Variants in TGFBR3 observed in about 807,000 individuals in gnomAD.
TGFBR3 encodes the protein transforming growth factor beta receptor type 3.
A neutral mutation model predicts 87.9 loss-of-function variants in TGFBR3; 46 were observed. That is an observed-to-expected ratio of 0.52 (90% CI 0.41 to 0.67). The LOEUF is 0.67. TGFBR3 is among the 30% of genes least tolerant of loss of function. The pLI, the probability that TGFBR3 is intolerant of heterozygous loss-of-function variation, is 0.00. For synonymous variants in TGFBR3, 381 were observed against 391.6 expected, an observed-to-expected ratio of 0.97 and a Z score of 0.32; for missense variants, 866 against 1,041.9, an observed-to-expected ratio of 0.83 and a Z score of 2.32.
intron 8 of TGFBR3, among the ~76,000 whole-genome samples, chr1:91,720,785 CA>C (rs1438857524): frequency 6.6e-6 from 1 of 152,198 alleles, no homozygotes; most frequent in Non-Finnish European, 1.5e-5. Context: ...TTCCTTGAAT[CA>C]AGAGAGTCTT....
At position 91,782,039 on chromosome 1, in the gene TGFBR3, AAT is replaced by A. The variant is rs1420018915; in HGVS notation, c.246+15246_246+15247del. ...TCACTATCTTAACAACCACTGGAAA[AAT>A]GAGTGGAATCTTCAAACCTTATGAA... is the stretch of plus-strand genomic sequence containing the variant. On this transcript the variant is annotated intron_variant, in intron 3 of 16. Coordinates refer to ENST00000212355, the MANE Select transcript of TGFBR3 (RefSeq NM_003243.5). Among the ~76,000 whole-genome samples, 15 of 152,190 alleles carry A rather than the reference AAT, an allele frequency of 9.9e-5. 1 individual carries two copies. The highest frequency in any genetic ancestry group is 3.4e-4 in the African/African-American group (14 of 41,446).
chr1:91,820,526 A>G lies in TGFBR3; in HGVS notation c.62-23055T>C, dbSNP rs538989674. 5.1e-4 allele frequency among the ~76,000 whole-genome samples: 78 copies of G among 152,266 alleles called. 1 individual carries two copies. Among genetic ancestry groups the G allele is most frequent in the African/African-American group, 1.8e-3 (76 of 41,546 alleles). On this transcript the variant is annotated intron_variant, in intron 2 of 16. Coordinates refer to ENST00000212355, the MANE Select transcript of TGFBR3 (RefSeq NM_003243.5). Reference sequence around the variant, plus strand: ...TTGAAACCCCGTCTGTACTAAAAAAATACAAAAAAATTAGCTGGGCGGGGT... The same window carrying G: ...TTGAAACCCCGTCTGTACTAAAAAAGTACAAAAAAATTAGCTGGGCGGGGT...
intron 1 of TGFBR3, among the ~76,000 whole-genome samples, chr1:91,902,694 T>G (rs557429131): frequency 2.9e-4 from 44 of 151,996 alleles, no homozygotes; most frequent in African/African-American, 1.1e-3. Flanking sequence ...TTAATTACAT[T>G]CCAGACTTGG....
At chr1:91,880,033 C>T (rs1349701121) in intron 1 of TGFBR3, among the ~76,000 whole-genome samples, 1 of 152,164 alleles carries the variant, frequency 6.6e-6, no homozygotes, top group African/African-American at 2.4e-5. Flanking sequence ...TCTGAAGATG[C>T]AGAACCAGAG....
At chr1:91,872,961 T>A (rs1678637654) in intron 1 of TGFBR3, among the ~76,000 whole-genome samples, 1 of 151,832 alleles carries the variant, frequency 6.6e-6, no homozygotes, top group Non-Finnish European at 1.5e-5. Context: ...TTCCCTTTTT[T>A]TGACGGGGTG....
chr1:91,729,869 T>G lies in TGFBR3; in HGVS notation c.673A>C (p.Ser225Arg), dbSNP rs368820380. The change falls in exon 6 of 17, where the codon AGC becomes CGC. Residue 225 changes from serine (S) to arginine (R), a missense_variant. Physicochemically the swap from Ser to Arg is moderately radical, Grantham distance 110. Coordinates refer to ENST00000212355, the MANE Select transcript of TGFBR3 (RefSeq NM_003243.5). ...TGTACTTCCTCATTCTGGGGCTGGCTGGACATCACACACCCTTCTGCTGCT... is the reference window on the plus strand; with the variant it reads ...TGTACTTCCTCATTCTGGGGCTGGCGGGACATCACACACCCTTCTGCTGCT... ...PKAAEGCVMSSQPQNEEVHII... is the reference protein window; with the variant it reads ...PKAAEGCVMSRQPQNEEVHII... 1 of 1,614,202 alleles carries G rather than the reference T, an allele frequency of 6.2e-7. No homozygotes were observed. The highest frequency in any genetic ancestry group is 1.3e-5 in the African/African-American group (1 of 75,050).
intron 14 of TGFBR3, among the ~76,000 whole-genome samples, chr1:91,702,525 C>A (rs1571420996): frequency 6.6e-6 from 1 of 152,014 alleles, no homozygotes; most frequent in African/African-American, 2.4e-5. Context: ...AAATAAATGA[C>A]CTAATCATCA....
At chr1:91,840,191 G>T (rs1238470826) in intron 2 of TGFBR3, among the ~76,000 whole-genome samples, 3 of 151,084 alleles carry the variant, frequency 2.0e-5, no homozygotes, top group Admixed American at 6.6e-5. Context: ...GTATGGTGGC[G>T]TGCACCTGAA....
intron 3 of TGFBR3, among the ~76,000 whole-genome samples, chr1:91,784,430 C>T (rs1200006685): frequency 2.6e-5 from 4 of 152,108 alleles, no homozygotes; most frequent in Non-Finnish European, 4.4e-5. Context: ...AGTTCCTGCC[C>T]GAAAGCAGTC....
intron 3 of TGFBR3, among the ~76,000 whole-genome samples, chr1:91,777,651 A>T (rs1432113142): frequency 1.4e-5 from 2 of 144,884 alleles, no homozygotes; most frequent in African/African-American, 2.6e-5. Flanking sequence ...ATTACTTAGC[A>T]CTTAACGTGT....
Position 91,681,750 on chromosome 1 carries a change from T to TA in TGFBR3, c.*1988dup, listed in dbSNP as rs1670915958. On this transcript the variant is annotated 3_prime_UTR_variant, in exon 17 of 17. Transcript: ENST00000212355. ...TAGTAAAATATAGCTATAAGTGACT[T>TA]AAAGACTCTAGTCTTCTTTGAAGAC... 2.3e-6 allele frequency: 1 copy of TA among 441,090 alleles called. No individual in the cohort carries two copies. The highest frequency in any genetic ancestry group is 4.5e-6 in the Non-Finnish European group (1 of 223,250). 27.3% of individuals were successfully genotyped at this position (441,090 alleles called of 1,614,324 possible).
chr1:91,828,801 G>T (rs1676741528), intron 2 of TGFBR3, among the ~76,000 whole-genome samples: 1 of 117,072 alleles, frequency 8.5e-6, no homozygotes, highest in Non-Finnish European at 1.8e-5. Context: ...GCAGTTCCAG[G>T]ACCCTCCCAC....
chr1:91,877,999 T>C (rs949965956), intron 1 of TGFBR3, among the ~76,000 whole-genome samples: 1 of 152,234 alleles, frequency 6.6e-6, no homozygotes, highest in Non-Finnish European at 1.5e-5. Flanking sequence ...GGGAAGACCT[T>C]ACGCTGCAAT....
At chr1:91,710,075 G>T (rs1448475613) in intron 13 of TGFBR3, among the ~76,000 whole-genome samples, 2 of 152,172 alleles carry the variant, frequency 1.3e-5, no homozygotes, top group Non-Finnish European at 2.9e-5. Flanking sequence ...TAAAGTAAAT[G>T]ACAGCTTCTA....
intron 1 of TGFBR3, among the ~76,000 whole-genome samples, chr1:91,903,995 G>A (rs1483649852): frequency 6.6e-6 from 1 of 152,014 alleles, no homozygotes; most frequent in Non-Finnish European, 1.5e-5. Context: ...GCAACACAGT[G>A]AAACCCTATC....
At chr1:91,706,875 T>C (rs1278046783) in intron 14 of TGFBR3, among the ~76,000 whole-genome samples, 1 of 152,238 alleles carries the variant, frequency 6.6e-6, no homozygotes, top group Non-Finnish European at 1.5e-5. Context: ...ATATTCTTAT[T>C]TCTTTCTCCT....
At position 91,683,314 on chromosome 1, in the gene TGFBR3, C is replaced by T. The variant is rs1327105314; in HGVS notation, c.*425G>A. 2.2e-6 allele frequency: 1 copy of T among 462,110 alleles called. No homozygotes were observed. Among genetic ancestry groups the T allele is most frequent in the East Asian group, 6.8e-5 (1 of 14,766 alleles). 28.6% of individuals were successfully genotyped at this position (462,110 alleles called of 1,614,324 possible). A position where few individuals can be genotyped will look rare whatever the true frequency, so the allele number is the denominator to read the frequency against. Reference sequence around the variant, plus strand: ...TGGTTCAGATATAAAGAATCTTTGGCCGCATCTCCTCACTGGTTCTACTAT... The same window carrying T: ...TGGTTCAGATATAAAGAATCTTTGGTCGCATCTCCTCACTGGTTCTACTAT... On this transcript the variant is annotated 3_prime_UTR_variant, in exon 17 of 17. Coordinates refer to ENST00000212355, the MANE Select transcript of TGFBR3 (RefSeq NM_003243.5).
chr1:91,854,070 G>A (rs1677845107), intron 2 of TGFBR3, among the ~76,000 whole-genome samples: 1 of 152,174 alleles, frequency 6.6e-6, no homozygotes, highest in African/African-American at 2.4e-5. Flanking sequence ...ACCAGAGGCT[G>A]GGGAGTGGGG....
chr1:91,719,939 C>T lies in TGFBR3; in HGVS notation c.1367G>A (p.Cys456Tyr). The T allele has an allele frequency of 6.2e-7, 1 of 1,614,230 alleles. No individual in the cohort carries two copies. Among genetic ancestry groups the T allele is most frequent in the Non-Finnish European group, 8.5e-7 (1 of 1,180,044 alleles). ...GSVDIALSVK[C>Y]DNEKMIVAVE... Reference sequence around the variant, plus strand: ...AGCCACGATCATCTTCTCATTGTCACATTTGACAGACAGGGCAATATCCAC... The same window carrying T: ...AGCCACGATCATCTTCTCATTGTCATATTTGACAGACAGGGCAATATCCAC... The change falls in exon 9 of 17, where the codon TGT becomes TAT. Residue 456 changes from cysteine (C) to tyrosine (Y), a missense_variant. Coordinates refer to ENST00000212355, the MANE Select transcript of TGFBR3 (RefSeq NM_003243.5).
Sources: gnomAD v4.1 joint callset for allele counts (sites outside exome capture counted in the v4.1 genomes callset) on GRCh38, gnomAD v4.1.1 for gene constraint, MANE v1.5 for transcripts, NCBI Gene and HGNC (gene_info 2026-07-23, HGNC 2026-07-21) for gene names.